The following CHRM2 variants were observed in gnomAD, a reference collection of about 807,000 sequenced individuals.
CHRM2 encodes muscarinic acetylcholine receptor M2.
Under a neutral mutation model 25.0 loss-of-function variants are expected in CHRM2, and 8 were observed. The observed-to-expected ratio is 0.32, with a 90% CI of 0.19 to 0.58. The LOEUF (loss-of-function observed/expected upper bound fraction) is 0.58, where lower values mean the gene tolerates loss of function less well. CHRM2 is among the 20% of genes least tolerant of loss of function. The probability of loss-of-function intolerance (pLI) is 0.88; values close to 1 mark genes in which losing one functional copy is unlikely to be tolerated. For synonymous variants in CHRM2, 202 were observed against 205.7 expected, an observed-to-expected ratio of 0.98 and a Z score of 0.15; for missense variants, 440 against 567.1, an observed-to-expected ratio of 0.78 and a Z score of 2.28.
intron 2 of CHRM2, among the ~76,000 whole-genome samples, chr7:136,935,928 T>G (rs999006728): frequency 1.3e-5 from 2 of 152,150 alleles, no homozygotes; most frequent in Admixed American, 1.3e-4. Context: ...GATACTTACA[T>G]TAAAAATACA....
chr7:136,925,495 T>G (rs909376896), intron 2 of CHRM2, among the ~76,000 whole-genome samples: 1 of 152,194 alleles, frequency 6.6e-6, no homozygotes, highest in Non-Finnish European at 1.5e-5. Flanking sequence ...TTGATTATTC[T>G]TTCATTTTGT....
intron 2 of CHRM2, among the ~76,000 whole-genome samples, chr7:136,927,943 T>C (rs550823408): frequency 4.7e-4 from 72 of 152,300 alleles, no homozygotes; most frequent in African/African-American, 1.6e-3. Flanking sequence ...TTTTATATGC[T>C]ATAGTGTGTG....
At chr7:136,965,453 A>C (rs981918101) in intron 2 of CHRM2, among the ~76,000 whole-genome samples, 2 of 152,124 alleles carry the variant, frequency 1.3e-5, no homozygotes, top group Non-Finnish European at 2.9e-5. Context: ...AAATTGTCAG[A>C]GAGAATGAGC....
intron 2 of CHRM2, among the ~76,000 whole-genome samples, chr7:136,918,867 TC>T (rs1177460008): frequency 6.6e-6 from 1 of 152,062 alleles, no homozygotes; most frequent in Non-Finnish European, 1.5e-5. Context: ...CAAACTGAGG[TC>T]CTCTATGCCA....
At chr7:136,877,961 T>G (rs1796111285) in intron 2 of CHRM2, among the ~76,000 whole-genome samples, 1 of 152,036 alleles carries the variant, frequency 6.6e-6, no homozygotes, top group Admixed American at 6.6e-5. Flanking sequence ...TGAAGCCTAA[T>G]TTTTCTTCCT....
At chr7:136,937,995 C>T (rs963917887) in intron 2 of CHRM2, among the ~76,000 whole-genome samples, 4 of 152,088 alleles carry the variant, frequency 2.6e-5, no homozygotes, top group African/African-American at 4.8e-5. Flanking sequence ...TGATAGCAAG[C>T]GCAACCACAC....
chr7:136,976,928 C>T (rs1301847795), intron 2 of CHRM2, among the ~76,000 whole-genome samples: 1 of 152,150 alleles, frequency 6.6e-6, no homozygotes, highest in Non-Finnish European at 1.5e-5. Context: ...ATTCTACTCA[C>T]TGAGTTTTGT....
chr7:136,983,412 A>G (rs1802620235), intron 2 of CHRM2, among the ~76,000 whole-genome samples: 1 of 152,016 alleles, frequency 6.6e-6, no homozygotes, highest in Non-Finnish European at 1.5e-5. Flanking sequence ...GTTATTACCC[A>G]CCTTCTGAGG....
chr7:136,928,705 G>A (rs1345165900), intron 2 of CHRM2, among the ~76,000 whole-genome samples: 1 of 152,110 alleles, frequency 6.6e-6, no homozygotes, highest in Non-Finnish European at 1.5e-5. Flanking sequence ...TACCATTCCT[G>A]GCAGTGCTGC....
At chr7:136,934,768 AT>A (rs930375326) in intron 2 of CHRM2, among the ~76,000 whole-genome samples, 3 of 151,942 alleles carry the variant, frequency 2.0e-5, no homozygotes, top group African/African-American at 7.2e-5. Context: ...TCCAGAAAAA[AT>A]ATTAAAAATA....
At chr7:137,008,898 T>C (rs1389895904) in intron 3 of CHRM2, among the ~76,000 whole-genome samples, 1 of 152,082 alleles carries the variant, frequency 6.6e-6, no homozygotes. Context: ...GCAGGTTTTA[T>C]GCCATTGTGT....
chr7:136,985,141 G>C lies in CHRM2; in HGVS notation c.-124-7046G>C, dbSNP rs571867031. Among the ~76,000 whole-genome samples the C allele has an allele frequency of 1.2e-4, 18 of 152,192 alleles. No homozygotes were observed. The South Asian group carries it at 3.7e-3, about 32-fold the overall frequency. On this transcript the variant is annotated intron_variant, in intron 2 of 3. Coordinates refer to ENST00000680005, the MANE Select transcript of CHRM2 (RefSeq NM_001006630.2). The stretch of plus-strand genomic sequence containing the variant: ...CAATGCTGCAACACACAGCACTGAG[G>C]TAAAAGCTGCACATGTGAGCACATA...
chr7:136,924,072 T>C (rs1798598967), intron 2 of CHRM2, among the ~76,000 whole-genome samples: 1 of 152,218 alleles, frequency 6.6e-6, no homozygotes, highest in African/African-American at 2.4e-5. Flanking sequence ...ACTGCACTTT[T>C]AAATTCTCAT....
At chr7:136,878,131 T>C (rs1266543324) in intron 2 of CHRM2, among the ~76,000 whole-genome samples, 1 of 151,914 alleles carries the variant, frequency 6.6e-6, no homozygotes, top group Non-Finnish European at 1.5e-5. Flanking sequence ...AGCATGAAAA[T>C]AGAAAGTGAT....
chr7:136,970,533 A>C (rs373128201), intron 2 of CHRM2, among the ~76,000 whole-genome samples: 49 of 152,192 alleles, frequency 3.2e-4, no homozygotes, highest in African/African-American at 9.4e-4. Flanking sequence ...TTTTACAACC[A>C]CATTGTAATT....
At chr7:136,917,238 C>T (rs1221259305) in intron 2 of CHRM2, among the ~76,000 whole-genome samples, 3 of 151,670 alleles carry the variant, frequency 2.0e-5, no homozygotes, top group Non-Finnish European at 4.4e-5. Flanking sequence ...TCTTTCCTTG[C>T]CTCCCCTTTC....
intron 2 of CHRM2, among the ~76,000 whole-genome samples, chr7:136,896,812 A>G (rs1796921842): frequency 6.6e-6 from 1 of 152,168 alleles, no homozygotes; most frequent in Non-Finnish European, 1.5e-5. Flanking sequence ...GCAATGACAT[A>G]TTCTTGAAAG....
At chr7:136,887,033 A>C (rs1254641251) in intron 2 of CHRM2, among the ~76,000 whole-genome samples, 1 of 152,236 alleles carries the variant, frequency 6.6e-6, no homozygotes, top group African/African-American at 2.4e-5. Context: ...TAGTTGAACA[A>C]GTCAAAAGAT....
At chr7:136,870,384 CCCGGCGCCCCTGGGGCCCCTCA>C (rs771378161) in intron 2 of CHRM2, 76 of 152,646 alleles carry the variant, frequency 5.0e-4, no homozygotes, top group Non-Finnish European at 9.7e-4. Context: ...GTGCGCGCTG[CCCGGCGCCCCTGGGGCCCCTCA>C]CGGGGTAAGT....
Sources: gnomAD v4.1 joint callset for allele counts (sites outside exome capture counted in the v4.1 genomes callset) on GRCh38, gnomAD v4.1.1 for gene constraint, MANE v1.5 for transcripts, NCBI Gene and HGNC (gene_info 2026-07-23, HGNC 2026-07-21) for gene names.